MAP2: variants seen among roughly 807,000 people sequenced by gnomAD.
MAP2 encodes microtubule-associated protein 2.
MAP2 carries 14 observed loss-of-function variants against 137.6 expected under a neutral mutation model. That is an observed-to-expected ratio of 0.10 (90% CI 0.07 to 0.16). MAP2 has a LOEUF of 0.16. Ranked by LOEUF, MAP2 falls within the 10% of genes least tolerant of loss-of-function variation. The pLI is 1.00. For missense variants in MAP2, 2,088 were observed against 2,191.5 expected, an observed-to-expected ratio of 0.95 and a Z score of 0.94; for synonymous variants, 786 against 782.3, an observed-to-expected ratio of 1.00 and a Z score of -0.08.
At chr2:209,455,922 C>T (rs1407302412) in intron 1 of MAP2, among the ~76,000 whole-genome samples, 1 of 150,566 alleles carries the variant, frequency 6.6e-6, no homozygotes, top group African/African-American at 2.4e-5. Context: ...TTCTAAGTGC[C>T]AGGCATATTA....
chr2:209,598,386 GACTA>G (rs1212313649), intron 3 of MAP2, among the ~76,000 whole-genome samples: 1 of 151,456 alleles, frequency 6.6e-6, no homozygotes, highest in Admixed American at 6.6e-5. Flanking sequence ...CAATGTTGTC[GACTA>G]ACTGATACTT....
chr2:209,614,263 G>A (rs1372663580), intron 3 of MAP2, among the ~76,000 whole-genome samples: 1 of 152,062 alleles, frequency 6.6e-6, no homozygotes, highest in Admixed American at 6.6e-5. Flanking sequence ...AGAGCACAAA[G>A]GATGGGGAAT....
intron 2 of MAP2, among the ~76,000 whole-genome samples, chr2:209,523,776 ATTTGTCT>A (rs2063612350): frequency 2.0e-5 from 3 of 152,114 alleles, no homozygotes; most frequent in Admixed American, 1.3e-4. Flanking sequence ...AGATTTCCAA[ATTTGTCT>A]TTTATATATT....
intron 14 of MAP2, among the ~76,000 whole-genome samples, chr2:209,729,464 TG>T (rs1285140160): frequency 2.0e-5 from 3 of 152,230 alleles, no homozygotes; most frequent in Admixed American, 2.0e-4. Flanking sequence ...AAATTTAATT[TG>T]GTCCCTTAGA....
intron 2 of MAP2, among the ~76,000 whole-genome samples, chr2:209,527,973 G>T (rs988013136): frequency 1.3e-5 from 2 of 152,130 alleles, no homozygotes; most frequent in Non-Finnish European, 2.9e-5. Context: ...GATCCAAAAA[G>T]ATTCATATTA....
intron 12 of MAP2, among the ~76,000 whole-genome samples, chr2:209,706,288 T>A (rs2191910): frequency 0.68 from 103,327 of 151,976 alleles, 41,661 homozygotes; most frequent in Non-Finnish European, 0.88. Context: ...AATGCTCCAA[T>A]CATTACACAC....
chr2:209,628,632 T>C (rs750059436), intron 4 of MAP2, among the ~76,000 whole-genome samples: 1 of 152,192 alleles, frequency 6.6e-6, no homozygotes, highest in Non-Finnish European at 1.5e-5. Flanking sequence ...TCAATTGATA[T>C]GACTCTCCTA....
chr2:209,427,591 C>CTAGCTATT (rs1692927993), intron 1 of MAP2, among the ~76,000 whole-genome samples: 1 of 152,106 alleles, frequency 6.6e-6, no homozygotes, highest in Non-Finnish European at 1.5e-5. Flanking sequence ...TTACTGTTCT[C>CTAGCTATT]TAGCTATTTT....
intron 3 of MAP2, among the ~76,000 whole-genome samples, chr2:209,611,008 C>CA (rs1580503435): frequency 1.3e-5 from 2 of 152,042 alleles, no homozygotes; most frequent in Non-Finnish European, 2.9e-5. Context: ...ATTATACACA[C>CA]AAAAAAGTTA....
At chr2:209,620,808 T>G (rs1260488451) in intron 3 of MAP2, among the ~76,000 whole-genome samples, 6 of 152,186 alleles carry the variant, frequency 3.9e-5, no homozygotes, top group Non-Finnish European at 7.3e-5. Context: ...GTCAGATTGA[T>G]AGTGGAGGTG....
chr2:209,616,944 C>T (rs2089656869), intron 3 of MAP2, among the ~76,000 whole-genome samples: 1 of 152,112 alleles, frequency 6.6e-6, no homozygotes, highest in South Asian at 2.1e-4. Flanking sequence ...GGCGGGGGGA[C>T]CCAGCAAGAC....
intron 1 of MAP2, among the ~76,000 whole-genome samples, chr2:209,492,590 G>A (rs2059254126): frequency 6.6e-6 from 1 of 152,128 alleles, no homozygotes; most frequent in Non-Finnish European, 1.5e-5. Flanking sequence ...CTTCAGCAAA[G>A]TCTCAGGATA....
intron 3 of MAP2, among the ~76,000 whole-genome samples, chr2:209,589,245 C>G (rs766639677): frequency 9.2e-5 from 14 of 152,054 alleles, no homozygotes; most frequent in Non-Finnish European, 1.9e-4. Flanking sequence ...AAGCTCACAA[C>G]GGTCTTTGGA....
chr2:209,614,565 C>A lies in MAP2; in HGVS notation c.-106-10488C>A, dbSNP rs142871934. 4.0e-3 allele frequency among the ~76,000 whole-genome samples: 608 copies of A among 152,110 alleles called. 5 individuals carry two copies. Among genetic ancestry groups the A allele is most frequent in the African/African-American group, 0.014 (573 of 41,492 alleles). ...ACTTGGGAGTGATAACATTATAGAT[C>A]GAGATATATTTCAAGGCTTGCTTTT... is the stretch of plus-strand genomic sequence containing the variant. On this transcript the variant is annotated intron_variant, in intron 3 of 15. Transcript: ENST00000682079.
At chr2:209,621,709 C>T (rs926900691) in intron 3 of MAP2, among the ~76,000 whole-genome samples, 10 of 152,120 alleles carry the variant, frequency 6.6e-5, no homozygotes, top group African/African-American at 2.4e-4. Context: ...TTAATAAAAC[C>T]TGAGTTCTTA....
At chr2:209,652,283 G>T (rs552110477) in intron 4 of MAP2, among the ~76,000 whole-genome samples, 2 of 152,082 alleles carry the variant, frequency 1.3e-5, no homozygotes, top group African/African-American at 2.4e-5. Flanking sequence ...GTATGTCAAT[G>T]GTTTTAACTT....
At chr2:209,449,444 T>C (rs1028096829) in intron 1 of MAP2, among the ~76,000 whole-genome samples, 7 of 152,140 alleles carry the variant, frequency 4.6e-5, no homozygotes, top group Non-Finnish European at 8.8e-5. Context: ...CTATACCAAT[T>C]ATCTCAAAAC....
intron 6 of MAP2, 63 bp from the exon 7 acceptor site, chr2:209,680,687 A>G: frequency 6.5e-6 from 9 of 1,380,386 alleles, no homozygotes; most frequent in Non-Finnish European, 9.3e-6. Context: ...AGAACTTCCT[A>G]CACATCTACC....
At chr2:209,653,740 GT>G (rs199704927) in intron 5 of MAP2, among the ~76,000 whole-genome samples, 23 of 151,656 alleles carry the variant, frequency 1.5e-4, no homozygotes, top group East Asian at 1.2e-3. Context: ...TTTACAAATA[GT>G]TTTTTTTTAA....
Sources: allele counts gnomAD v4.1 joint callset (sites outside exome capture counted in the v4.1 genomes callset), GRCh38; gene constraint gnomAD v4.1.1; transcripts MANE v1.5; gene names NCBI Gene and HGNC (gene_info 2026-07-23, HGNC 2026-07-21).